The following LSAMP variants were observed in gnomAD, a reference collection of about 807,000 sequenced individuals.
LSAMP encodes limbic system-associated membrane protein.
In LSAMP, 7 loss-of-function variants were observed where a neutral mutation model predicts 38.6. The ratio of observed to expected loss-of-function variants is 0.18; its 90% CI spans 0.10 to 0.34. LSAMP has a LOEUF of 0.34. Ranked by LOEUF, LSAMP falls within the 10% of genes least tolerant of loss-of-function variation. LSAMP has a pLI of 1.00. For synonymous variants in LSAMP, 154 were observed against 166.8 expected, an observed-to-expected ratio of 0.92 and a Z score of 0.59; for missense variants, 313 against 420.0, an observed-to-expected ratio of 0.75 and a Z score of 2.23.
chr3:116,141,545 G>A (rs1709370769), intron 1 of LSAMP, among the ~76,000 whole-genome samples: 1 of 151,832 alleles, frequency 6.6e-6, no homozygotes, highest in Non-Finnish European at 1.5e-5. Context: ...ACAGAATGTG[G>A]CAGGAAAGGT....
intron 1 of LSAMP, among the ~76,000 whole-genome samples, chr3:116,338,818 C>A (rs892423880): frequency 6.6e-6 from 1 of 152,066 alleles, no homozygotes; most frequent in Non-Finnish European, 1.5e-5. Flanking sequence ...TGGACTGGAG[C>A]TGCTGCAGTG....
intron 2 of LSAMP, among the ~76,000 whole-genome samples, chr3:116,068,060 A>G (rs953289123): frequency 6.6e-6 from 1 of 152,206 alleles, no homozygotes; most frequent in Non-Finnish European, 1.5e-5. Context: ...GGAAACTCCA[A>G]TTTAACGAGG....
At chr3:116,355,374 T>C (rs867088367) in intron 1 of LSAMP, among the ~76,000 whole-genome samples, 39 of 152,304 alleles carry the variant, frequency 2.6e-4, no homozygotes, top group Middle Eastern at 3.4e-3. Context: ...CTGAGAAAAC[T>C]GGATATCCAT....
At position 116,290,842 on chromosome 3, in the gene LSAMP, T is replaced by C. The variant is rs576837519; in HGVS notation, c.155+154035A>G. On this transcript the variant is annotated intron_variant, in intron 1 of 6. Coordinates refer to ENST00000490035, the MANE Select transcript of LSAMP (RefSeq NM_002338.5). ...TTGATATAATCAATCAGCCCTATTG[T>C]CTGCTATTAAATTAATCAAATTAAT... Among the ~76,000 whole-genome samples, 6 of 151,952 alleles carry C rather than the reference T, an allele frequency of 3.9e-5. No homozygotes were observed. The South Asian group carries it at 8.3e-4, about 21-fold the overall frequency.
chr3:116,226,350 C>T (rs1026580116), intron 1 of LSAMP, among the ~76,000 whole-genome samples: 8 of 152,198 alleles, frequency 5.3e-5, no homozygotes, highest in African/African-American at 1.9e-4. Context: ...ATTTATTTCA[C>T]TTCTACTAGA....
At chr3:116,422,809 T>C (rs2049145507) in intron 1 of LSAMP, among the ~76,000 whole-genome samples, 1 of 152,196 alleles carries the variant, frequency 6.6e-6, no homozygotes, top group Non-Finnish European at 1.5e-5. Flanking sequence ...AGCTTTTAGG[T>C]CTCAACTGTA....
At chr3:116,147,684 G>C (rs974121937) in intron 1 of LSAMP, among the ~76,000 whole-genome samples, 12 of 151,760 alleles carry the variant, frequency 7.9e-5, no homozygotes, top group African/African-American at 2.7e-4. Context: ...TTTAGTCCTC[G>C]GGTCCATTAT....
intron 2 of LSAMP, among the ~76,000 whole-genome samples, chr3:116,078,537 A>G (rs1447907577): frequency 1.3e-5 from 2 of 152,092 alleles, no homozygotes; most frequent in African/African-American, 4.8e-5. Flanking sequence ...CGTGTTAGCC[A>G]GGATGGTCTT....
chr3:116,032,965 C>T (rs973335119), intron 2 of LSAMP, among the ~76,000 whole-genome samples: 3 of 152,154 alleles, frequency 2.0e-5, no homozygotes, highest in African/African-American at 7.2e-5. Flanking sequence ...GGAAATGCCA[C>T]TGATTGCGTA....
intron 1 of LSAMP, among the ~76,000 whole-genome samples, chr3:116,173,541 T>C (rs1035870158): frequency 5.9e-5 from 9 of 152,042 alleles, no homozygotes; most frequent in Admixed American, 4.6e-4. Context: ...CCACTTTCTT[T>C]ATAGTAGGGA....
intron 1 of LSAMP, among the ~76,000 whole-genome samples, chr3:116,386,265 A>G (rs2048625477): frequency 6.6e-6 from 1 of 152,120 alleles, no homozygotes; most frequent in Non-Finnish European, 1.5e-5. Context: ...ATATTCAGGT[A>G]CAGAGCTAAT....
rs145207969 is a variant in LSAMP, at chr3:116,040,245, A to G, written c.389-20605T>C. Among the ~76,000 whole-genome samples the G allele has an allele frequency of 2.1e-3, 319 of 152,322 alleles. 2 individuals are homozygous for G. The highest frequency in any genetic ancestry group is 6.9e-3 in the African/African-American group (286 of 41,574). On this transcript the variant is annotated intron_variant, in intron 2 of 6. Coordinates refer to ENST00000490035, the MANE Select transcript of LSAMP (RefSeq NM_002338.5). ...ATAGATGGAAGAAAATTCAATGCGT[A>G]TGTTCCCACTGCCAGAATGGGACTT...
intron 1 of LSAMP, among the ~76,000 whole-genome samples, chr3:116,090,176 C>G (rs1708087980): frequency 6.8e-6 from 1 of 147,030 alleles, no homozygotes; most frequent in Non-Finnish European, 1.5e-5. Context: ...GATCACATCA[C>G]TGCACTCCAG....
At chr3:115,986,348 C>T (rs1428242177) in intron 3 of LSAMP, among the ~76,000 whole-genome samples, 4 of 152,002 alleles carry the variant, frequency 2.6e-5, no homozygotes, top group East Asian at 1.9e-4. Flanking sequence ...ATAGTTAGCA[C>T]GAGTTGCTGA....
intron 1 of LSAMP, among the ~76,000 whole-genome samples, chr3:116,281,494 C>T (rs867560366): frequency 3.9e-5 from 6 of 152,086 alleles, no homozygotes; most frequent in South Asian, 2.1e-4. Context: ...CAGATTCAGA[C>T]GTGGTAGTTA....
intron 1 of LSAMP, among the ~76,000 whole-genome samples, chr3:116,363,753 A>G (rs1196019868): frequency 6.7e-6 from 1 of 148,988 alleles, no homozygotes; most frequent in Non-Finnish European, 1.5e-5. Flanking sequence ...AGAACCAAAG[A>G]CAAAAACCAC....
At chr3:115,818,692 C>T (rs978201264) in intron 6 of LSAMP, among the ~76,000 whole-genome samples, 6 of 146,756 alleles carry the variant, frequency 4.1e-5, no homozygotes, top group African/African-American at 1.5e-4. Flanking sequence ...GAGAAAAATA[C>T]ATCTTAACAA....
chr3:116,251,988 C>T (rs927242573), intron 1 of LSAMP, among the ~76,000 whole-genome samples: 5 of 152,154 alleles, frequency 3.3e-5, no homozygotes, highest in African/African-American at 7.2e-5. Context: ...ATGTCTCACT[C>T]GACCCCAAAT....
intron 2 of LSAMP, among the ~76,000 whole-genome samples, chr3:116,071,453 C>CA (rs1487975036): frequency 7.3e-5 from 11 of 151,316 alleles, no homozygotes; most frequent in Admixed American, 2.0e-4. Context: ...CCCTTCTCCC[C>CA]AAAAAACTGT....
Sources: gnomAD v4.1 joint callset for allele counts (sites outside exome capture counted in the v4.1 genomes callset) on GRCh38, gnomAD v4.1.1 for gene constraint, MANE v1.5 for transcripts, NCBI Gene and HGNC (gene_info 2026-07-23, HGNC 2026-07-21) for gene names.